The following WASHC5 variants were observed in gnomAD, a reference collection of about 807,000 sequenced individuals.
WASHC5 encodes WASH complex subunit strumpellin.
In WASHC5, 101 loss-of-function variants were observed where a neutral mutation model predicts 150.4. The observed-to-expected ratio is 0.67, with a 90% confidence interval of 0.57 to 0.79. The LOEUF (loss-of-function observed/expected upper bound fraction) is 0.79, where lower values mean the gene tolerates loss of function less well. WASHC5 is among the 30% of genes least tolerant of loss of function. The probability of loss-of-function intolerance (pLI) is 0.00; values close to 1 mark genes in which losing one functional copy is unlikely to be tolerated. For synonymous variants in WASHC5, 467 were observed against 491.2 expected, an observed-to-expected ratio of 0.95 and a Z score of 0.65; for missense variants, 1,195 against 1,396.3, an observed-to-expected ratio of 0.86 and a Z score of 2.30.
intron 27 of WASHC5, among the ~76,000 whole-genome samples, chr8:125,030,705 G>A (rs774835012): frequency 3.3e-4 from 50 of 150,266 alleles, no homozygotes; most frequent in Non-Finnish European, 5.0e-4. Flanking sequence ...TGTCCACAGA[G>A]GGCCCAGAAT....
At chr8:125,030,815 G>A (rs1246724124) in intron 27 of WASHC5, among the ~76,000 whole-genome samples, 5 of 151,972 alleles carry the variant, frequency 3.3e-5, no homozygotes, top group African/African-American at 1.2e-4. Flanking sequence ...AAACAGACTG[G>A]AACACCCAGA....
rs771705778 is a variant in WASHC5 at position 125,083,888 on chromosome 8, A to G, written c.11T>C (p.Phe4Ser). The part of the protein sequence containing the change: MLD[F>S]LAENNLCGQA... Reference sequence around the variant, plus strand: ...GCCACAGAGGTTGTTCTCGGCTAGAAAGTCCAACATTGTGAGGCGGACCGA... The same window carrying G: ...GCCACAGAGGTTGTTCTCGGCTAGAGAGTCCAACATTGTGAGGCGGACCGA... The change falls in exon 2 of 29, where the codon TTT becomes TCT. Residue 4 changes from phenylalanine (F) to serine (S), a missense_variant. By Grantham distance (155) the Phe-to-Ser change is radical. Around this residue, in one of 3 missense-constraint regions of WASHC5, gnomAD observed 195 missense variants for 206.9 expected, o/e 0.94. Coordinates refer to ENST00000318410, the MANE Select transcript of WASHC5 (RefSeq NM_014846.4). The G allele has an allele frequency of 6.2e-7, 1 of 1,613,856 alleles. No individual in the cohort carries two copies. Among genetic ancestry groups the G allele is most frequent in the Non-Finnish European group, 8.5e-7 (1 of 1,179,870 alleles).
At position 125,064,927 on chromosome 8, in the gene WASHC5, T is replaced by C. The variant is rs115657379; in HGVS notation, c.1279-1276A>G. On this transcript the variant is annotated intron_variant, in intron 10 of 28. Transcript: ENST00000318410. Reference sequence around the variant, plus strand: ...AAATGATGACGGAGAGGATGAGGAATAATGAAATTATTTATAGAGTCTACC... The same window carrying C: ...AAATGATGACGGAGAGGATGAGGAACAATGAAATTATTTATAGAGTCTACC... Among the ~76,000 whole-genome samples, 515 of 152,286 alleles carry C rather than the reference T, an allele frequency of 3.4e-3. 4 individuals carry two copies. The highest frequency in any genetic ancestry group is 0.012 in the African/African-American group (491 of 41,568).
chr8:125,049,628 C>G (rs935025721), intron 18 of WASHC5, among the ~76,000 whole-genome samples: 2 of 151,756 alleles, frequency 1.3e-5, no homozygotes, highest in Admixed American at 6.6e-5. Context: ...GGGTGGATCA[C>G]TTGAGGTCAG....
intron 27 of WASHC5, 137 bp downstream of exon 27, chr8:125,032,104 C>A: frequency 1.0e-6 from 1 of 988,682 alleles, no homozygotes. Flanking sequence ...AGGAGGTATG[C>A]CCTGACTTGC....
At chr8:125,053,917 T>C (rs1449486563) in intron 17 of WASHC5, among the ~76,000 whole-genome samples, 1 of 152,226 alleles carries the variant, frequency 6.6e-6, no homozygotes, top group African/African-American at 2.4e-5. Context: ...TATAAGCCGT[T>C]AAGTCCCAAT....
chr8:125,060,489 A>G (rs2130104035), intron 12 of WASHC5, among the ~76,000 whole-genome samples: 1 of 152,048 alleles, frequency 6.6e-6, no homozygotes, highest in East Asian at 1.9e-4. Context: ...CCGTCTCAAA[A>G]AAAAAAAAAA....
intron 8 of WASHC5, among the ~76,000 whole-genome samples, chr8:125,073,686 C>T (rs1463466981): frequency 6.6e-6 from 1 of 152,142 alleles, no homozygotes. Flanking sequence ...AACATATGGA[C>T]TATACTTATT....
chr8:125,070,070 G>A (rs1355607811), intron 9 of WASHC5, among the ~76,000 whole-genome samples: 1 of 152,202 alleles, frequency 6.6e-6, no homozygotes, highest in Non-Finnish European at 1.5e-5. Context: ...CATACCCAGA[G>A]AACTGCAGAG....
chr8:125,073,371 T>C, intron 8 of WASHC5, 47 bp from the exon 9 acceptor site: 1 of 1,467,462 alleles, frequency 6.8e-7, no homozygotes, highest in Non-Finnish European at 9.5e-7. Flanking sequence ...TCATTTATCT[T>C]GAAAATAAAT....
chr8:125,044,057 T>C lies in WASHC5; in HGVS notation c.2705A>G (p.Asp902Gly). The C allele has an allele frequency of 6.2e-7, 1 of 1,613,348 alleles. No homozygotes were observed. ...LSMFQKIILR[D>G]RTVQDTLKTL... ...TTTTAAAGTGTCCTGAACAGTTCTG[T>C]CTCTCAGGATAATTTTCTGAAACAT... Residue 902 changes from aspartate to glycine, a missense_variant, in exon 22 of 29, where the codon GAC becomes GGC. This residue lies in a region of WASHC5 where 997 missense variants were observed against 1,168.1 expected (regional missense o/e 0.85). Coordinates refer to ENST00000318410, the MANE Select transcript of WASHC5 (RefSeq NM_014846.4).
chr8:125,053,927 T>C lies in WASHC5; in HGVS notation c.2097+1664A>G, dbSNP rs575066884. On this transcript the variant is annotated intron_variant, in intron 17 of 28. Coordinates refer to ENST00000318410, the MANE Select transcript of WASHC5 (RefSeq NM_014846.4). ...GAAGATATAAGCCGTTAAGTCCCAA[T>C]GGCCTTCTGATATTTCCAACTTGTG... Among the ~76,000 whole-genome samples the C allele has an allele frequency of 2.6e-5, 4 of 152,330 alleles. No individual in the cohort carries two copies. The South Asian group carries it at 8.3e-4, about 32-fold the overall frequency.
intron 9 of WASHC5, among the ~76,000 whole-genome samples, chr8:125,068,937 T>C (rs1816826249): frequency 2.0e-5 from 3 of 152,242 alleles, no homozygotes; most frequent in Admixed American, 6.5e-5. Flanking sequence ...TTTGCTTAGA[T>C]TGGTTTATAA....
At position 125,082,420 on chromosome 8, in the gene WASHC5, T is replaced by C; in HGVS notation, c.380A>G (p.Glu127Gly). Residue 127 changes from glutamate to glycine, a missense_variant, in exon 4 of 29, where the codon GAA (glutamate) becomes GGA (glycine). Around this residue, in one of 3 missense-constraint regions of WASHC5, gnomAD observed 195 missense variants for 206.9 expected, o/e 0.94. Transcript: ENST00000318410. Reference sequence around the variant, plus strand: ...TCCATCTTCATTGAGAAGCACAGTTTCTAAGGTTTGCTGAATATAAACCCC... The same window carrying C: ...TCCATCTTCATTGAGAAGCACAGTTCCTAAGGTTTGCTGAATATAAACCCC... ...NEGVYIQQTL[E>G]TVLLNEDGKQ... 1.9e-6 allele frequency: 3 copies of C among 1,593,126 alleles called. No individual in the cohort carries two copies. The highest frequency in any genetic ancestry group is 2.6e-6 in the Non-Finnish European group (3 of 1,161,276).
intron 23 of WASHC5, among the ~76,000 whole-genome samples, chr8:125,041,331 T>C (rs1472318116): frequency 6.6e-6 from 1 of 152,168 alleles, no homozygotes; most frequent in African/African-American, 2.4e-5. Flanking sequence ...GCATTTCCTC[T>C]GAGTTGCTGG....
intron 26 of WASHC5, 33 bp downstream of exon 26, chr8:125,037,204 T>C: frequency 1.7e-6 from 2 of 1,186,854 alleles, no homozygotes; most frequent in Non-Finnish European, 2.5e-6. Context: ...GTTGGTATTG[T>C]TACTCATTGC....
chr8:125,043,576 G>C (rs1271563714), intron 23 of WASHC5, among the ~76,000 whole-genome samples: 1 of 152,100 alleles, frequency 6.6e-6, no homozygotes. Flanking sequence ...TAGCCAAAAG[G>C]CATTTTACAA....
At chr8:125,056,637 T>C (rs118088197) in intron 16 of WASHC5, 40 bp downstream of exon 16, 22 of 1,613,122 alleles carry the variant, frequency 1.4e-5, no homozygotes, top group Non-Finnish European at 1.8e-5. Flanking sequence ...TGACTGTTAG[T>C]TTTTAATATG....
Position 125,050,557 on chromosome 8 carries a change from T to C in WASHC5, c.2199+7A>G, listed in dbSNP as rs1816208937. ...AAGAGGACAGGCCCACTCTGGTCACTGGGTACCTTGGCTCGAGGGTTGAAT... is the reference window on the plus strand; with the variant it reads ...AAGAGGACAGGCCCACTCTGGTCACCGGGTACCTTGGCTCGAGGGTTGAAT... On this transcript the variant is annotated splice_region_variant and intron_variant, in intron 18 of 28. Transcript: ENST00000318410. 1 of 1,609,640 alleles carries C rather than the reference T, an allele frequency of 6.2e-7. No individual in the cohort carries two copies. Among genetic ancestry groups the C allele is most frequent in the Admixed American group, 1.7e-5 (1 of 59,994 alleles).
Sources: allele counts gnomAD v4.1 joint callset (sites outside exome capture counted in the v4.1 genomes callset), GRCh38; gene constraint gnomAD v4.1.1; regional missense constraint gnomAD v4.1.1; transcripts MANE v1.5; gene names NCBI Gene and HGNC (gene_info 2026-07-23, HGNC 2026-07-21).